The following XKR6 variants were observed in gnomAD, a reference collection of about 807,000 sequenced individuals.
XKR6 encodes XK-related protein 6.
In XKR6, 22 loss-of-function variants were observed where a neutral mutation model predicts 56.7. The observed-to-expected ratio is 0.39, with a 90% CI of 0.28 to 0.55. The LOEUF (loss-of-function observed/expected upper bound fraction) is 0.55. Ranked by LOEUF, XKR6 falls within the 20% of genes least tolerant of loss-of-function variation. The pLI, the probability that XKR6 is intolerant of heterozygous loss-of-function variation, is 0.66. For synonymous variants in XKR6, 524 were observed against 387.8 expected, an observed-to-expected ratio of 1.35 and a Z score of -4.13; for missense variants, 852 against 889.0, an observed-to-expected ratio of 0.96 and a Z score of 0.53.
At chr8:10,904,504 A>G (rs1211486307) in intron 2 of XKR6, among the ~76,000 whole-genome samples, 3 of 152,124 alleles carry the variant, frequency 2.0e-5, no homozygotes, top group African/African-American at 7.2e-5. Flanking sequence ...ACGTGTGGAT[A>G]TGGGTGCCCT....
intron 1 of XKR6, among the ~76,000 whole-genome samples, chr8:11,120,435 A>G (rs1201971901): frequency 6.6e-6 from 1 of 152,198 alleles, no homozygotes; most frequent in Non-Finnish European, 1.5e-5. Flanking sequence ...TCCCATTCAC[A>G]ATTGCTTCAC....
At chr8:10,991,606 C>A (rs939407903) in intron 1 of XKR6, among the ~76,000 whole-genome samples, 14 of 152,154 alleles carry the variant, frequency 9.2e-5, no homozygotes, top group African/African-American at 3.1e-4. Flanking sequence ...TCTATGGAAT[C>A]TTCCAGGCGA....
intron 2 of XKR6, among the ~76,000 whole-genome samples, chr8:10,917,738 G>C (rs533322007): frequency 1.3e-5 from 2 of 152,308 alleles, no homozygotes; most frequent in Non-Finnish European, 2.9e-5. Flanking sequence ...GGAGACCAGA[G>C]AAACATGCAC....
chr8:10,942,146 C>T (rs1277073965), intron 1 of XKR6, among the ~76,000 whole-genome samples: 3 of 152,154 alleles, frequency 2.0e-5, no homozygotes, highest in Admixed American at 6.5e-5. Context: ...ACACCTCCCA[C>T]ATGAACACAC....
intron 1 of XKR6, among the ~76,000 whole-genome samples, chr8:11,178,612 T>C (rs1323596231): frequency 8.0e-6 from 1 of 125,748 alleles, no homozygotes; most frequent in South Asian, 2.3e-4. Flanking sequence ...CAAATATATA[T>C]ATATATACAC....
intron 1 of XKR6, among the ~76,000 whole-genome samples, chr8:11,118,639 G>T (rs1403042740): frequency 2.6e-5 from 4 of 152,126 alleles, no homozygotes; most frequent in Non-Finnish European, 4.4e-5. Context: ...GTATTTCTGT[G>T]GGATCGGTGG....
At chr8:11,172,377 T>G (rs1219988542) in intron 1 of XKR6, among the ~76,000 whole-genome samples, 2 of 151,854 alleles carry the variant, frequency 1.3e-5, no homozygotes, top group Non-Finnish European at 2.9e-5. Context: ...AATAAATAAA[T>G]AAACAAAATT....
chr8:10,930,164 T>G (rs1399242452), intron 1 of XKR6, among the ~76,000 whole-genome samples: 1 of 152,146 alleles, frequency 6.6e-6, no homozygotes, highest in Non-Finnish European at 1.5e-5. Context: ...AAATAAGTGA[T>G]TTCTACAAGG....
At chr8:11,059,658 G>T (rs1430897906) in intron 1 of XKR6, among the ~76,000 whole-genome samples, 2 of 131,942 alleles carry the variant, frequency 1.5e-5, no homozygotes, top group African/African-American at 4.1e-5. Flanking sequence ...GGTGCGGGGG[G>T]CGCGGGGCGG....
rs372115857 is a variant in XKR6, at chr8:11,001,088, G to C, written c.765-76258C>G. Among the ~76,000 whole-genome samples the C allele has an allele frequency of 1.1e-4, 16 of 152,318 alleles. No homozygotes were observed. In the South Asian group the frequency reaches 3.3e-3, roughly 32 times the overall value. On this transcript the variant is annotated intron_variant, in intron 1 of 2. Transcript: ENST00000416569. The stretch of plus-strand genomic sequence containing the variant: ...TGCAGAACAATTGCTGGCCTCATTG[G>C]ATGACTTTGCACATGGGGAGTGAGA...
chr8:11,158,222 G>C (rs527856735), intron 1 of XKR6, among the ~76,000 whole-genome samples: 2 of 152,178 alleles, frequency 1.3e-5, no homozygotes, highest in African/African-American at 4.8e-5. Context: ...TGGAAGCAGA[G>C]AGCAGAAGCA....
chr8:11,070,350 T>A (rs1000183769), intron 1 of XKR6, among the ~76,000 whole-genome samples: 7 of 152,126 alleles, frequency 4.6e-5, no homozygotes, highest in Admixed American at 4.6e-4. Context: ...CTGAAAAAAA[T>A]ATTTCCTCAG....
intron 1 of XKR6, among the ~76,000 whole-genome samples, chr8:10,952,983 C>T (rs201541703): frequency 2.7e-4 from 41 of 152,212 alleles, no homozygotes; most frequent in Non-Finnish European, 5.3e-4. Context: ...CTAGGCTGCG[C>T]GCTCCTTATG....
At position 11,012,639 on chromosome 8, in the gene XKR6, G is replaced by T. The variant is rs915984845; in HGVS notation, c.765-87809C>A. Among the ~76,000 whole-genome samples the T allele has an allele frequency of 2.8e-5, 4 of 142,830 alleles. 1 individual carries two copies. The highest frequency in any genetic ancestry group is 4.4e-4 in the South Asian group (2 of 4,502). The allele number at this position is 142,830 out of a possible 152,430, so 93.7% of individuals were successfully genotyped here. ...TGCCCCCCTCACCTCCCCCTAGCTT[G>T]CAGGCCCCCTCCACTGTCCTCTCCT... On this transcript the variant is annotated intron_variant, in intron 1 of 2. Transcript: ENST00000416569.
intron 1 of XKR6, among the ~76,000 whole-genome samples, chr8:11,184,120 C>G (rs748872919): frequency 1.3e-5 from 2 of 152,146 alleles, no homozygotes; most frequent in Non-Finnish European, 2.9e-5. Flanking sequence ...TTGACCTCTA[C>G]CACCATACAG....
chr8:11,152,776 G>C (rs1015802171), intron 1 of XKR6, among the ~76,000 whole-genome samples: 1 of 152,124 alleles, frequency 6.6e-6, no homozygotes, highest in Non-Finnish European at 1.5e-5. Context: ...TTTCTTTTCT[G>C]GTCATTCCTT....
rs202247398 is a variant in XKR6 at position 11,192,375 on chromosome 8, TCCTG to T, written c.764+8197_764+8200del. ...CATGTTAGCCAGGATGGTCTCGATC[TCCTG>T]ACCTCGTGATCCATCCACCTCAGCC... On this transcript the variant is annotated intron_variant, in intron 1 of 2. Coordinates refer to ENST00000416569, the MANE Select transcript of XKR6 (RefSeq NM_173683.4). Among the ~76,000 whole-genome samples, 576 of 152,198 alleles carry T rather than the reference TCCTG, an allele frequency of 3.8e-3. 10 individuals carry two copies. Among genetic ancestry groups the T allele is most frequent in the Admixed American group, 0.033 (498 of 15,300 alleles).
intron 1 of XKR6, among the ~76,000 whole-genome samples, chr8:11,177,102 G>C (rs186353754): frequency 3.4e-3 from 524 of 152,268 alleles, no homozygotes; most frequent in Non-Finnish European, 6.4e-3. Flanking sequence ...ATGGCACTAA[G>C]GAAATGGAGA....
At chr8:11,052,722 C>G (rs957194999) in intron 1 of XKR6, among the ~76,000 whole-genome samples, 18 of 151,512 alleles carry the variant, frequency 1.2e-4, no homozygotes, top group African/African-American at 4.4e-4. Flanking sequence ...CACCCCGACC[C>G]CTGTTTCCAG....
Sources: allele counts gnomAD v4.1 joint callset (sites outside exome capture counted in the v4.1 genomes callset), GRCh38; gene constraint gnomAD v4.1.1; transcripts MANE v1.5; gene names NCBI Gene and HGNC (gene_info 2026-07-23, HGNC 2026-07-21).